Variants in ZSCAN2 observed in about 807,000 individuals in gnomAD.
ZSCAN2 encodes zinc finger and SCAN domain-containing protein 2.
ZSCAN2 carries 26 observed loss-of-function variants against 47.8 expected under a neutral mutation model. That is an observed-to-expected ratio of 0.54 (90% CI 0.40 to 0.75). ZSCAN2 has a LOEUF of 0.75. Among genes scored for constraint, ZSCAN2 ranks in the 30% least tolerant of loss-of-function variants. The pLI, the probability that ZSCAN2 is intolerant of heterozygous loss-of-function variation, is 0.00. For synonymous variants in ZSCAN2, 305 were observed against 288.7 expected, an observed-to-expected ratio of 1.06 and a Z score of -0.57; for missense variants, 732 against 785.4, an observed-to-expected ratio of 0.93 and a Z score of 0.81.
chr15:84,611,018 G>T (rs768301682), intron 2 of ZSCAN2, among the ~76,000 whole-genome samples: 1 of 152,212 alleles, frequency 6.6e-6, no homozygotes, highest in Non-Finnish European at 1.5e-5. Context: ...TTCTGGCCAG[G>T]TGTGGTGGCT....
chr15:84,618,654 T>C (rs569227596), intron 2 of ZSCAN2, among the ~76,000 whole-genome samples: 5 of 151,638 alleles, frequency 3.3e-5, no homozygotes, highest in Non-Finnish European at 7.4e-5. Context: ...GTCCACCTCC[T>C]GGGTTCTAGT....
chr15:84,621,175 C>G lies in ZSCAN2; in HGVS notation c.980C>G (p.Thr327Ser). The G allele has an allele frequency of 6.2e-7, 1 of 1,614,044 alleles. No homozygotes were observed. The highest frequency in any genetic ancestry group is 1.1e-5 in the South Asian group (1 of 91,078). Residue 327 changes from threonine (T) to serine (S), a missense_variant, in exon 3 of 3, where the codon ACC becomes AGC. Physicochemically the swap from Thr to Ser is moderately conservative, Grantham distance 58. This residue lies in a region of ZSCAN2 where 412 missense variants were observed against 498.0 expected (regional missense o/e 0.83). Transcript: ENST00000546148. This position sits in a 1 kb window ranked among gnomAD's most constrained non-coding sequence, Gnocchi z 5.7. ...CCCAACCTCATTGCACATCAGCGCA[C>G]CCACACAGGAGAGAAACCCTACTCG... Reference protein sequence around the residue: ...RSPNLIAHQRTHTGEKPYSCP... With the variant: ...RSPNLIAHQRSHTGEKPYSCP...
In ZSCAN2 at chr15:84,622,123, G is replaced by A. The variant is rs1895831609; in HGVS notation, c.*83G>A. 1 of 1,244,010 alleles carries A rather than the reference G, an allele frequency of 8.0e-7. No homozygotes were observed. The highest frequency in any genetic ancestry group is 1.1e-6 in the Non-Finnish European group (1 of 886,038). 77.1% of individuals were successfully genotyped at this position (1,244,010 alleles called of 1,614,324 possible). A position where few individuals can be genotyped will look rare whatever the true frequency, so the allele number is the denominator to read the frequency against. On this transcript the variant is annotated 3_prime_UTR_variant, in exon 3 of 3. Transcript: ENST00000546148. ...AACAGTGATTCCCTTTCAAAGAGCT[G>A]TGCTTCCTAAACATTCTGGGGGGTT...
intron 2 of ZSCAN2, among the ~76,000 whole-genome samples, chr15:84,616,880 T>C (rs979187583): frequency 6.6e-6 from 1 of 152,122 alleles, no homozygotes; most frequent in Non-Finnish European, 1.5e-5. Context: ...CCCAGCACTC[T>C]AGGAGGCGGA....
rs1015543067 is a variant in ZSCAN2, at chr15:84,609,992, C to T, written c.406+5659C>T. ...GGAGGCCTGTGGCCAGGCGAGGACA[C>T]GCAGGGCCCTGTGAACGGCCACGGG... On this transcript the variant is annotated intron_variant, in intron 2 of 2. Coordinates refer to ENST00000546148, the MANE Select transcript of ZSCAN2 (RefSeq NM_181877.4). Among the ~76,000 whole-genome samples the T allele has an allele frequency of 7.6e-4, 116 of 152,310 alleles. 1 individual carries two copies. The highest frequency in any genetic ancestry group is 2.6e-3 in the African/African-American group (108 of 41,578).
In ZSCAN2 at chr15:84,615,494, C is replaced by G. The variant is rs192904683; in HGVS notation, c.407-5108C>G. Among the ~76,000 whole-genome samples the G allele has an allele frequency of 7.9e-5, 12 of 152,216 alleles. No homozygotes were observed. The East Asian group carries it at 2.3e-3, about 29-fold the overall frequency. On this transcript the variant is annotated intron_variant, in intron 2 of 2. Coordinates refer to ENST00000546148, the MANE Select transcript of ZSCAN2 (RefSeq NM_181877.4). ...TACAAGTGTGTACAGCCACACCTGG[C>G]TAATTTTTGTATTTTTTGTAGAGAT...
At position 84,603,803 on chromosome 15, in the gene ZSCAN2, T is replaced by C. The variant is rs1323189565; in HGVS notation, c.-108-17T>C. The C allele has an allele frequency of 2.6e-6, 3 of 1,176,364 alleles. No homozygotes were observed. Among genetic ancestry groups the C allele is most frequent in the African/African-American group, 3.1e-5 (2 of 64,684 alleles). The allele number at this position is 1,176,364 out of a possible 1,614,324, so 72.9% of individuals were successfully genotyped here. On this transcript the variant is annotated splice_polypyrimidine_tract_variant and intron_variant, in intron 1 of 2. Coordinates refer to ENST00000546148, the MANE Select transcript of ZSCAN2 (RefSeq NM_181877.4). The stretch of plus-strand genomic sequence containing the variant: ...ACAGTCTACCTATGGATTATGGTTC[T>C]CTTTTTTGTTTCTCAGCGGGACTAC...
intron 2 of ZSCAN2, chr15:84,606,760 C>T (rs1895394850): frequency 2.2e-6 from 3 of 1,370,974 alleles, no homozygotes; most frequent in Non-Finnish European, 2.8e-6. Context: ...TCATCTTTAA[C>T]TGGGCACCTG....
intron 1 of ZSCAN2, chr15:84,601,973 G>A (rs1331174850): frequency 5.0e-5 from 5 of 99,666 alleles, no homozygotes; most frequent in African/African-American, 2.0e-4. Flanking sequence ...TTTTTTTTGA[G>A]ACGGAGTTTT....
chr15:84,615,175 T>C (rs1438820198), intron 2 of ZSCAN2, among the ~76,000 whole-genome samples: 8 of 152,112 alleles, frequency 5.3e-5, no homozygotes, highest in Admixed American at 5.2e-4. Flanking sequence ...AGGCTGATCG[T>C]GAACTGCTGA....
intron 2 of ZSCAN2, among the ~76,000 whole-genome samples, chr15:84,612,485 A>G (rs1016162965): frequency 5.9e-5 from 9 of 152,206 alleles, no homozygotes; most frequent in Non-Finnish European, 1.3e-4. Context: ...CTGTAATCCG[A>G]GCACTTTGGG....
At chr15:84,607,180 C>T (rs754976049) in intron 2 of ZSCAN2, among the ~76,000 whole-genome samples, 4 of 152,178 alleles carry the variant, frequency 2.6e-5, no homozygotes, top group African/African-American at 9.7e-5. Flanking sequence ...ATTTTACTCT[C>T]CATACCCAGC....
At chr15:84,618,946 G>A (rs1264315333) in intron 2 of ZSCAN2, among the ~76,000 whole-genome samples, 1 of 152,130 alleles carries the variant, frequency 6.6e-6, no homozygotes, top group East Asian at 1.9e-4. Context: ...ACACAGTTCT[G>A]CCGGGGGTCA....
chr15:84,608,061 AAT>A (rs931382313), intron 2 of ZSCAN2, among the ~76,000 whole-genome samples: 2 of 152,104 alleles, frequency 1.3e-5, no homozygotes, highest in African/African-American at 4.8e-5. Flanking sequence ...TGTTTATATG[AAT>A]ACTTGTCTTA....
At chr15:84,612,239 ACTCCTGTGTCT>A (rs1380659772) in intron 2 of ZSCAN2, 1 of 151,746 alleles carries the variant, frequency 6.6e-6, no homozygotes, top group Non-Finnish European at 1.5e-5. Flanking sequence ...CTGTAGAATG[ACTCCTGTGTCT>A]CTCTGGTCTT....
intron 1 of ZSCAN2, among the ~76,000 whole-genome samples, chr15:84,603,399 C>T (rs1382393314): frequency 2.1e-5 from 3 of 145,348 alleles, no homozygotes; most frequent in African/African-American, 7.7e-5. Context: ...GACGGAGTCT[C>T]ACTCTGTTGC....
intron 2 of ZSCAN2, chr15:84,616,405 C>T: frequency 6.3e-7 from 1 of 1,597,940 alleles, no homozygotes; most frequent in Non-Finnish European, 8.5e-7. Context: ...CTGCTTACCC[C>T]AGTTCCCAAA....
intron 2 of ZSCAN2, among the ~76,000 whole-genome samples, chr15:84,609,942 T>C (rs1440958314): frequency 6.6e-6 from 1 of 152,238 alleles, no homozygotes; most frequent in African/African-American, 2.4e-5. Context: ...CATTCTGGTA[T>C]GCTCTATGGT....
chr15:84,622,038 T>C lies in ZSCAN2; in HGVS notation c.1843T>C (p.Ter615ArgextTer5). 6.3e-7 allele frequency: 1 copy of C among 1,596,208 alleles called. No homozygotes were observed. The highest frequency in any genetic ancestry group is 8.5e-7 in the Non-Finnish European group (1 of 1,169,842). The change falls in exon 3 of 3, where the codon TGA becomes CGA. Residue 615 changes from the stop codon to arginine, a stop_lost. Transcript: ENST00000546148. ...AACTCACATGAAAGAGAAACTTTATTGAAGTGGCAAAGAGTGAAAGTGAGG... is the reference window on the plus strand; with the variant it reads ...AACTCACATGAAAGAGAAACTTTATCGAAGTGGCAAAGAGTGAAAGTGAGG... The part of the protein sequence containing the change: ...QRTHMKEKLY[*>R]
Sources: gnomAD v4.1 joint callset for allele counts (sites outside exome capture counted in the v4.1 genomes callset) on GRCh38, gnomAD v4.1.1 for gene constraint, gnomAD v4.1.1 regional missense constraint, Gnocchi (gnomAD v3.1) non-coding constraint, MANE v1.5 for transcripts, NCBI Gene and HGNC (gene_info 2026-07-23, HGNC 2026-07-21) for gene names.